The following METTL21C variants were observed in gnomAD, a reference collection of about 807,000 sequenced individuals.
The protein encoded by METTL21C is protein-lysine methyltransferase METTL21C.
In METTL21C, 21 loss-of-function variants were observed where a neutral mutation model predicts 25.9. The observed-to-expected ratio is 0.81, with a 90% CI of 0.58 to 1.17. METTL21C has a LOEUF of 1.17. METTL21C is among the 50% of genes most tolerant of loss of function. The probability of loss-of-function intolerance (pLI) is 0.00; values close to 1 mark genes in which losing one functional copy is unlikely to be tolerated. For synonymous variants in METTL21C, 125 were observed against 124.7 expected (o/e 1.00, Z -0.01); for missense variants, 312 against 315.1 (o/e 0.99, Z 0.07).
intron 3 of METTL21C, 114 bp downstream of exon 3, chr13:102,686,826 T>G: frequency 1.3e-6 from 1 of 751,994 alleles, no homozygotes; most frequent in Admixed American, 2.2e-5. Flanking sequence ...TTGGGGAGAG[T>G]CACTGAGTGA....
intron 1 of METTL21C, among the ~76,000 whole-genome samples, chr13:102,693,321 A>G (rs1041819658): frequency 6.6e-6 from 1 of 152,222 alleles, no homozygotes; most frequent in Non-Finnish European, 1.5e-5. Context: ...ATGGTTATAT[A>G]TAACAATCAG....
chr13:102,687,080 C>T, intron 2 of METTL21C, 23 bp from the exon 3 acceptor site: 1 of 1,577,920 alleles, frequency 6.3e-7, no homozygotes, highest in Non-Finnish European at 8.7e-7. Context: ...TATAACTTTT[C>T]ATGTGGGCAT....
chr13:102,686,928 AAAC>A lies in METTL21C; in HGVS notation c.400+9_400+11del. 1 of 1,598,574 alleles carries A rather than the reference AAAC, an allele frequency of 6.3e-7. No homozygotes were observed. Among genetic ancestry groups the A allele is most frequent in the Non-Finnish European group, 8.6e-7 (1 of 1,165,850 alleles). ...AAGATCTGGATACTAGGTCAGGAAT[AAAC>A]AAACAAACCTAAAATACTGGCCACA... On this transcript the variant is annotated intron_variant, in intron 3 of 3. Transcript: ENST00000267273.
rs201471378 is a variant in METTL21C, at chr13:102,694,459, G to A, written c.40C>T (p.Arg14Trp). ...CLSSAQQPGR[R>W]GEGLSSPGGW... Reference sequence around the variant, plus strand: ...CCCGGGGAGCTGAGTCCTTCCCCCCGGCGCCCAGGCTGCTGCGCGGAGCTC... The same window carrying A: ...CCCGGGGAGCTGAGTCCTTCCCCCCAGCGCCCAGGCTGCTGCGCGGAGCTC... The change falls in exon 1 of 4, where the codon CGG (arginine) becomes TGG (tryptophan). Residue 14 changes from arginine to tryptophan, a missense_variant. Transcript: ENST00000267273. 118 of 1,458,144 alleles carry A rather than the reference G, an allele frequency of 8.1e-5. 3 individuals carry two copies. The highest frequency in any genetic ancestry group is 9.2e-5 in the Non-Finnish European group (102 of 1,112,250). 90.3% of individuals were successfully genotyped at this position (1,458,144 alleles called of 1,614,324 possible).
intron 1 of METTL21C, 58 bp downstream of exon 1, chr13:102,694,311 T>C (rs1414283477): frequency 4.5e-6 from 7 of 1,557,076 alleles, no homozygotes; most frequent in Non-Finnish European, 6.1e-6. Context: ...TACTTGAAGA[T>C]GTCATCGCCA....
intron 2 of METTL21C, among the ~76,000 whole-genome samples, chr13:102,690,073 CAA>C (rs1477228758): frequency 6.6e-6 from 1 of 152,116 alleles, no homozygotes; most frequent in Non-Finnish European, 1.5e-5. Flanking sequence ...TGACATGCCA[CAA>C]AGTCATGCTT....
intron 1 of METTL21C, among the ~76,000 whole-genome samples, chr13:102,693,633 G>C (rs934466438): frequency 1.5e-4 from 23 of 152,194 alleles, no homozygotes; most frequent in Non-Finnish European, 5.9e-5. Flanking sequence ...AGGAAACATA[G>C]ACATACACGT....
the METTL21C span, among the ~76,000 whole-genome samples, chr13:102,701,240 C>T: frequency 6.6e-6 from 1 of 152,032 alleles, no homozygotes; most frequent in Non-Finnish European, 1.5e-5. Context: ...AGAGCCTGTT[C>T]CTTGGAAGCT....
rs148583110 is a variant in METTL21C at position 102,687,086 on chromosome 13, G to A, written c.283-29C>T. 2.8e-4 allele frequency: 444 copies of A among 1,564,262 alleles called. 2 individuals carry two copies. The African/African-American group carries it at 4.8e-3, about 17-fold the overall frequency. On this transcript the variant is annotated intron_variant, in intron 2 of 3. Coordinates refer to ENST00000267273, the MANE Select transcript of METTL21C (RefSeq NM_001010977.3). ...AAAAATAATTATAACTTTTCATGTG[G>A]GCATTGGAACATTGGAAACCAGTAG...
intron 2 of METTL21C, among the ~76,000 whole-genome samples, chr13:102,688,711 C>A (rs1211046756): frequency 2.0e-5 from 3 of 152,220 alleles, no homozygotes; most frequent in South Asian, 2.1e-4. Context: ...AAGAGTGTCA[C>A]CTAGAGCCAT....
chr13:102,690,805 T>C lies in METTL21C; in HGVS notation c.282+8A>G. ...ATCCTGACATCACAAATATGACAGTTCTCTCACCCCTGGCCACACCACCGC... is the reference window on the plus strand; with the variant it reads ...ATCCTGACATCACAAATATGACAGTCCTCTCACCCCTGGCCACACCACCGC... On this transcript the variant is annotated splice_region_variant and intron_variant, in intron 2 of 3. Coordinates refer to ENST00000267273, the MANE Select transcript of METTL21C (RefSeq NM_001010977.3). 3 of 1,612,558 alleles carry C rather than the reference T, an allele frequency of 1.9e-6. No homozygotes were observed. Among genetic ancestry groups the C allele is most frequent in the Non-Finnish European group, 2.5e-6 (3 of 1,179,582 alleles).
chr13:102,685,878 AAAGTTTC>A lies in METTL21C; in HGVS notation c.*146_*152del. ...AATCTTAAATTATCTTAGAAATTAG[AAAGTTTC>A]TGCAGTATTGTTACATTTGTTCCAA... is the stretch of plus-strand genomic sequence containing the variant. On this transcript the variant is annotated 3_prime_UTR_variant, in exon 4 of 4. Transcript: ENST00000267273. 1.6e-6 allele frequency: 1 copy of A among 612,700 alleles called. No individual in the cohort carries two copies. Among genetic ancestry groups the A allele is most frequent in the East Asian group, 3.0e-5 (1 of 33,190 alleles). 38.0% of individuals were successfully genotyped at this position (612,700 alleles called of 1,614,324 possible).
chr13:102,691,909 G>A (rs1333856520), intron 1 of METTL21C, among the ~76,000 whole-genome samples: 1 of 152,200 alleles, frequency 6.6e-6, no homozygotes, highest in African/African-American at 2.4e-5. Context: ...CTGACATCAA[G>A]AGATCACAAG....
intron 1 of METTL21C, among the ~76,000 whole-genome samples, chr13:102,691,521 T>C (rs561679945): frequency 1.3e-5 from 2 of 152,036 alleles, no homozygotes; most frequent in East Asian, 3.9e-4. Context: ...AGCTAATTTT[T>C]GTATTTTTAG....
At chr13:102,687,954 T>C (rs1215077439) in intron 2 of METTL21C, among the ~76,000 whole-genome samples, 6 of 152,212 alleles carry the variant, frequency 3.9e-5, no homozygotes, top group Non-Finnish European at 8.8e-5. Context: ...TTTACGTGTA[T>C]GGCAATGAGG....
chr13:102,694,900 T>TCTCTCA lies in METTL21C; in HGVS notation c.-403_-402insTGAGAG, dbSNP rs1262985773. Among the ~76,000 whole-genome samples the TCTCTCA allele has an allele frequency of 3.9e-4, 53 of 135,580 alleles. No individual in the cohort carries two copies. Among genetic ancestry groups the TCTCTCA allele is most frequent in the Non-Finnish European group, 4.1e-4 (26 of 64,190 alleles). The allele number at this position is 135,580 out of a possible 152,430, so 88.9% of individuals were successfully genotyped here. Reference sequence around the variant, plus strand: ...CTCTCTCTCTCTCTCTCTCTCTCTCTCACACACACACACACACACACACAC... The same window carrying TCTCTCA: ...CTCTCTCTCTCTCTCTCTCTCTCTCTCTCTCACACACACACACACACACACACACAC... On this transcript the variant is annotated 5_prime_UTR_variant, in exon 1 of 4. The change abolishes the stop of an existing upstream ORF in the 5' untranslated region. Transcript: ENST00000267273.
chr13:102,693,593 G>C (rs554798892), intron 1 of METTL21C, among the ~76,000 whole-genome samples: 1 of 152,324 alleles, frequency 6.6e-6, no homozygotes, highest in South Asian at 2.1e-4. Context: ...TATTAAGCTT[G>C]ACAGCTGCAC....
rs774695796 is a variant in METTL21C at position 102,690,844 on chromosome 13, A to G, written c.251T>C (p.Ile84Thr). The part of the protein sequence containing the change: ...AGKEIVIQES[I>T]ESYGAVVWPG... ...CCACACCACCGCTCCGTAACTCTCT[A>G]TGGATTCCTGGATGACAATCTCCTT... is the stretch of plus-strand genomic sequence containing the variant. The change falls in exon 2 of 4, where the codon ATA (isoleucine) becomes ACA (threonine). Residue 84 changes from isoleucine to threonine, a missense_variant. By Grantham distance (89) the Ile-to-Thr change is moderately conservative. Coordinates refer to ENST00000267273, the MANE Select transcript of METTL21C (RefSeq NM_001010977.3). The G allele has an allele frequency of 3.7e-6, 6 of 1,614,106 alleles. No individual in the cohort carries two copies. The South Asian group carries it at 5.5e-5, about 15-fold the overall frequency.
At chr13:102,696,528 T>A (rs950923949), upstream of METTL21C, among the ~76,000 whole-genome samples, 4 of 152,068 alleles carry the variant, frequency 2.6e-5, no homozygotes, top group Admixed American at 6.6e-5. Context: ...AATAAATAAA[T>A]AAATAATTTA....
Sources: allele counts gnomAD v4.1 joint callset (sites outside exome capture counted in the v4.1 genomes callset), GRCh38; gene constraint gnomAD v4.1.1; transcripts MANE v1.5; gene names NCBI Gene and HGNC (gene_info 2026-07-23, HGNC 2026-07-21).